Variants in FAAH2 observed in about 807,000 individuals in gnomAD.
FAAH2 encodes the protein fatty acid amide hydrolase 2.
FAAH2 carries 60 observed loss-of-function variants against 36.9 expected under a neutral mutation model. That is an observed-to-expected ratio of 1.63 (90% CI 1.32 to 2.02). The LOEUF (loss-of-function observed/expected upper bound fraction) is 2.02, where lower values mean the gene tolerates loss of function less well. Among genes scored for constraint, FAAH2 ranks in the 30% most tolerant of loss-of-function variants. The probability of loss-of-function intolerance (pLI) is 0.00; values close to 1 mark genes in which losing one functional copy is unlikely to be tolerated. For synonymous variants in FAAH2, 214 were observed against 143.8 expected (o/e 1.49, Z -3.49); for missense variants, 689 against 397.5 (o/e 1.73, Z -6.23).
At chrX:57,433,865 A>G (rs935054001) in intron 8 of FAAH2, among the ~76,000 whole-genome samples, 2 of 111,724 alleles carry the variant, frequency 1.8e-5, no homozygotes, top group South Asian at 3.7e-4. Context: ...TCCACATTCA[A>G]TGAAAGTAAA....
intron 5 of FAAH2, among the ~76,000 whole-genome samples, chrX:57,373,540 C>G (rs185397479): frequency 9.0e-6 from 1 of 110,870 alleles, no homozygotes; most frequent in Non-Finnish European, 1.9e-5. Context: ...TGAGAATTGT[C>G]TATTCATGTC....
the FAAH2 span, among the ~76,000 whole-genome samples, chrX:57,164,961 G>A: frequency 5.3e-5 from 6 of 112,172 alleles, no homozygotes; most frequent in East Asian, 2.8e-4. Flanking sequence ...ATAGCCATAC[G>A]GATCTACTCT....
intron 2 of FAAH2, among the ~76,000 whole-genome samples, chrX:57,301,461 G>T (rs2052364635): frequency 1.1e-5 from 1 of 88,403 alleles, no homozygotes; most frequent in Non-Finnish European, 2.2e-5. Context: ...GGGGACTGTT[G>T]TGGGGTGGGG....
the FAAH2 span, among the ~76,000 whole-genome samples, chrX:57,247,313 A>G: frequency 0.027 from 3,056 of 111,981 alleles, 46 homozygotes; most frequent in Middle Eastern, 0.12. Context: ...CTTTATTATG[A>G]CAGAAAAACA....
the FAAH2 span, among the ~76,000 whole-genome samples, chrX:57,213,950 C>T: frequency 1.9e-3 from 215 of 111,411 alleles, 1 homozygote; most frequent in African/African-American, 6.5e-3. Context: ...GTATTGTTGT[C>T]TATATTTTTA....
At chrX:57,306,284 T>C (rs866308243) in intron 2 of FAAH2, among the ~76,000 whole-genome samples, 2 of 108,643 alleles carry the variant, frequency 1.8e-5, no homozygotes, top group African/African-American at 6.5e-5. Context: ...TGGCCTTTAC[T>C]CTACAAATGG....
the FAAH2 span, among the ~76,000 whole-genome samples, chrX:57,206,770 C>T: frequency 1.6e-4 from 18 of 112,199 alleles, no homozygotes; most frequent in East Asian, 4.5e-3. Context: ...GAAGGCAGTC[C>T]TGGCTGCAAT....
At chrX:57,169,462 A>T in the FAAH2 span, among the ~76,000 whole-genome samples, 4 of 62,091 alleles carry the variant, frequency 6.4e-5, no homozygotes, top group Non-Finnish European at 8.2e-5. Context: ...TCAACTTCCT[A>T]GGCTATAATT....
the FAAH2 span, among the ~76,000 whole-genome samples, chrX:57,205,374 A>G: frequency 8.9e-6 from 1 of 112,535 alleles, no homozygotes; most frequent in Non-Finnish European, 1.9e-5. Flanking sequence ...AAGGTCCTGG[A>G]AGAGGTGTAT....
At chrX:57,301,162 C>T (rs1411906100) in intron 2 of FAAH2, among the ~76,000 whole-genome samples, 2 of 108,916 alleles carry the variant, frequency 1.8e-5, no homozygotes, top group African/African-American at 3.3e-5. Context: ...CACATGCACA[C>T]GTATGTTTAT....
chrX:57,344,605 A>T (rs1194009700), intron 5 of FAAH2, among the ~76,000 whole-genome samples: 1 of 111,169 alleles, frequency 9.0e-6, no homozygotes, highest in Non-Finnish European at 1.9e-5. Flanking sequence ...TGCTCTGGCT[A>T]GGGCTTCCAG....
intron 8 of FAAH2, among the ~76,000 whole-genome samples, chrX:57,437,486 G>T (rs767037274): frequency 3.7e-5 from 4 of 109,375 alleles, no homozygotes; most frequent in South Asian, 7.5e-4. Context: ...AAAACCTAAA[G>T]ACTCCAAAAA....
chrX:57,312,226 A>G (rs1274859496), intron 3 of FAAH2, among the ~76,000 whole-genome samples: 1 of 112,513 alleles, frequency 8.9e-6, no homozygotes, highest in Non-Finnish European at 1.9e-5. Context: ...TAAGGGAAAT[A>G]CAGAAGAGCT....
the FAAH2 span, among the ~76,000 whole-genome samples, chrX:57,225,336 G>T: frequency 2.7e-5 from 3 of 111,125 alleles, no homozygotes; most frequent in Admixed American, 9.5e-5. Flanking sequence ...TTGATAGGTT[G>T]TGTCATTATT....
At chrX:57,364,189 G>A (rs1011436305) in intron 5 of FAAH2, among the ~76,000 whole-genome samples, 10 of 108,395 alleles carry the variant, frequency 9.2e-5, no homozygotes, top group Admixed American at 7.9e-4. Flanking sequence ...TTGGTGCAGG[G>A]CTTTTTTCTT....
At chrX:57,159,736 G>C in the FAAH2 span, among the ~76,000 whole-genome samples, 2 of 111,796 alleles carry the variant, frequency 1.8e-5, no homozygotes, top group South Asian at 3.7e-4. Flanking sequence ...AGGAGATTTT[G>C]GGCTGAGACA....
upstream of FAAH2, among the ~76,000 whole-genome samples, chrX:57,286,334 T>C (rs1032616684): frequency 8.9e-6 from 1 of 112,309 alleles, no homozygotes; most frequent in South Asian, 3.7e-4. Flanking sequence ...TACAACACTT[T>C]TTTCACAAGC....
At chrX:57,322,051 T>C (rs2053039995) in intron 3 of FAAH2, among the ~76,000 whole-genome samples, 1 of 111,546 alleles carries the variant, frequency 9.0e-6, no homozygotes, top group Non-Finnish European at 1.9e-5. Flanking sequence ...TTTTTTTTTT[T>C]TTTGAGACGG....
chrX:57,406,860 T>C (rs1038501739), intron 7 of FAAH2, among the ~76,000 whole-genome samples: 1 of 112,388 alleles, frequency 8.9e-6, no homozygotes, highest in African/African-American at 3.2e-5. Flanking sequence ...CTATTAAAAG[T>C]GCTAGACGAA....
Sources: gnomAD v4.1 joint callset for allele counts (sites outside exome capture counted in the v4.1 genomes callset) on GRCh38, gnomAD v4.1.1 for gene constraint, MANE v1.5 for transcripts, NCBI Gene and HGNC (gene_info 2026-07-23, HGNC 2026-07-21) for gene names.